The following RIMS2 variants were observed in gnomAD, a reference collection of about 807,000 sequenced individuals.
The protein encoded by RIMS2 is regulating synaptic membrane exocytosis 2.
In RIMS2, 59 loss-of-function variants were observed where a neutral mutation model predicts 174.4. The ratio of observed to expected loss-of-function variants is 0.34; its 90% CI spans 0.27 to 0.42. The LOEUF (loss-of-function observed/expected upper bound fraction) is 0.42. Among genes scored for constraint, RIMS2 ranks in the 10% least tolerant of loss-of-function variants. The pLI is 1.00. For missense variants in RIMS2, 1,620 were observed against 1,666.3 expected (o/e 0.97, Z 0.48); for synonymous variants, 606 against 572.5 (o/e 1.06, Z -0.84).
At chr8:104,046,177 T>G (rs1192682604) in intron 19 of RIMS2, among the ~76,000 whole-genome samples, 1 of 152,030 alleles carries the variant, frequency 6.6e-6, no homozygotes. Context: ...CCAACAAATT[T>G]AGTGTCTGGC....
In RIMS2 at chr8:104,010,390, C is replaced by G. The variant is rs189912199; in HGVS notation, c.3045-3052C>G. 3.3e-5 allele frequency among the ~76,000 whole-genome samples: 5 copies of G among 152,200 alleles called. No homozygotes were observed. The East Asian group carries it at 9.6e-4, about 29-fold the overall frequency. On this transcript the variant is annotated intron_variant, in intron 17 of 23. Transcript: ENST00000504942. ...TATGCATAAAGATTGCTGTTTAAGA[C>G]AAAGGCCTTCTAAGTTGTTCTCTTT... is the stretch of plus-strand genomic sequence containing the variant.
intron 3 of RIMS2, among the ~76,000 whole-genome samples, chr8:103,815,238 C>T (rs2098711647): frequency 6.6e-6 from 1 of 152,110 alleles, no homozygotes; most frequent in African/African-American, 2.4e-5. Flanking sequence ...TACACTCCTA[C>T]CAATAAACAT....
At chr8:103,927,783 CA>C in intron 10 of RIMS2, 2 of 1,138,162 alleles carry the variant, frequency 1.8e-6, no homozygotes, top group Non-Finnish European at 2.6e-6. Context: ...CTTTTAGTTC[CA>C]GCGTGTTGTC....
chr8:103,991,781 A>G (rs186040811), intron 17 of RIMS2, among the ~76,000 whole-genome samples: 1 of 152,238 alleles, frequency 6.6e-6, no homozygotes, highest in Admixed American at 6.5e-5. Context: ...AATGGCCTTG[A>G]TTTTGAATGC....
At chr8:104,036,205 C>T (rs1000539278) in intron 19 of RIMS2, among the ~76,000 whole-genome samples, 3 of 151,606 alleles carry the variant, frequency 2.0e-5, no homozygotes, top group African/African-American at 4.8e-5. Context: ...GGCTGGAGTG[C>T]GGTGGTGCAT....
intron 19 of RIMS2, among the ~76,000 whole-genome samples, chr8:104,151,905 C>A (rs747308836): frequency 1.1e-4 from 17 of 151,988 alleles, no homozygotes; most frequent in Non-Finnish European, 2.9e-5. Flanking sequence ...GAAGAAGGAA[C>A]AATCACAAAG....
At position 103,921,645 on chromosome 8, in the gene RIMS2, A is replaced by G. The variant is rs768638798; in HGVS notation, c.2084-27A>G. 14 of 870,338 alleles carry G rather than the reference A, an allele frequency of 1.6e-5. No homozygotes were observed. In the Admixed American group the frequency reaches 2.4e-4, roughly 15 times the overall value. The allele number at this position is 870,338 out of a possible 1,614,324, so 53.9% of individuals were successfully genotyped here. The stretch of plus-strand genomic sequence containing the variant: ...ATACTTGTGAAGAGCCATTGTTATT[A>G]TTCGTTATGTGTAATTATCGTTTCA... On this transcript the variant is annotated intron_variant, in intron 9 of 23. Transcript: ENST00000504942.
rs145060428 is a variant in RIMS2, at chr8:103,674,120, G to C, written c.177-22966G>C. On this transcript the variant is annotated intron_variant, in intron 1 of 23. Transcript: ENST00000504942. ...GACATTTGTTCCAGCTCCCAGTAAG[G>C]TTCTCATTTCCATCTGAGACCTTGC... Among the ~76,000 whole-genome samples, 643 of 152,282 alleles carry C rather than the reference G, an allele frequency of 4.2e-3. 4 individuals carry two copies. Among genetic ancestry groups the C allele is most frequent in the African/African-American group, 0.015 (612 of 41,574 alleles).
chr8:103,729,167 C>G (rs1294357429), intron 2 of RIMS2, among the ~76,000 whole-genome samples: 2 of 151,968 alleles, frequency 1.3e-5, no homozygotes, highest in Admixed American at 1.3e-4. Context: ...TTTTCTTTAA[C>G]TATTTGGTAA....
chr8:104,140,545 G>A (rs2098557081), intron 19 of RIMS2, among the ~76,000 whole-genome samples: 1 of 152,102 alleles, frequency 6.6e-6, no homozygotes. Flanking sequence ...GCACAAATTA[G>A]AAAAAGTGGT....
At chr8:104,218,114 G>A (rs1265058686) in intron 19 of RIMS2, among the ~76,000 whole-genome samples, 3 of 152,178 alleles carry the variant, frequency 2.0e-5, no homozygotes, top group Admixed American at 6.5e-5. Flanking sequence ...AAGAACAAGT[G>A]TATATCAAAA....
intron 1 of RIMS2, among the ~76,000 whole-genome samples, chr8:103,568,104 C>G (rs554674650): frequency 1.7e-4 from 26 of 151,720 alleles, no homozygotes; most frequent in African/African-American, 6.3e-4. Context: ...CCTATCTCTA[C>G]AAAACAAATA....
chr8:103,586,377 A>T lies in RIMS2; in HGVS notation c.176+85315A>T, dbSNP rs550498842. On this transcript the variant is annotated intron_variant, in intron 1 of 23. Coordinates refer to ENST00000504942, the Ensembl canonical transcript of RIMS2. ...AAACAAGTCTGAAAACATTCAAAAC[A>T]TTGAAATCATATCAACCATCTTCTC... Among the ~76,000 whole-genome samples the T allele has an allele frequency of 6.6e-4, 101 of 152,324 alleles. No homozygotes were observed. The Middle Eastern group carries it at 0.01, about 15-fold the overall frequency.
chr8:103,726,545 A>C (rs1271884552), intron 2 of RIMS2, among the ~76,000 whole-genome samples: 3 of 151,968 alleles, frequency 2.0e-5, no homozygotes, highest in African/African-American at 7.2e-5. Context: ...AGTCCTAAAT[A>C]GGCCATATAG....
chr8:104,047,610 G>C (rs2096716483), intron 19 of RIMS2, among the ~76,000 whole-genome samples: 1 of 152,110 alleles, frequency 6.6e-6, no homozygotes, highest in Non-Finnish European at 1.5e-5. Flanking sequence ...GTCCAGTACA[G>C]AGCAAGCACC....
At chr8:103,661,138 A>G (rs149291043) in intron 1 of RIMS2, among the ~76,000 whole-genome samples, 211 of 152,296 alleles carry the variant, frequency 1.4e-3, no homozygotes, top group African/African-American at 4.9e-3. Flanking sequence ...AATGTATTCT[A>G]TTGGTTCTGT....
chr8:103,813,276 C>A (rs533671817), intron 3 of RIMS2, among the ~76,000 whole-genome samples: 1 of 152,154 alleles, frequency 6.6e-6, no homozygotes, highest in African/African-American at 2.4e-5. Context: ...CATAACTTTC[C>A]AATTTTGATT....
At chr8:103,957,582 G>A (rs987567214) in intron 14 of RIMS2, among the ~76,000 whole-genome samples, 2 of 152,128 alleles carry the variant, frequency 1.3e-5, no homozygotes, top group African/African-American at 2.4e-5. Context: ...ACAGGGAGGG[G>A]AACCTCACAC....
chr8:103,960,790 T>C (rs1183069221), intron 14 of RIMS2, among the ~76,000 whole-genome samples: 1 of 152,202 alleles, frequency 6.6e-6, no homozygotes, highest in Non-Finnish European at 1.5e-5. Context: ...TAGTATTTAA[T>C]GTTATTTTAA....
Sources: allele counts gnomAD v4.1 joint callset (sites outside exome capture counted in the v4.1 genomes callset), GRCh38; gene constraint gnomAD v4.1.1; transcripts MANE v1.5; gene names NCBI Gene and HGNC (gene_info 2026-07-23, HGNC 2026-07-21).